Variants in IRAG2 observed in about 807,000 individuals in gnomAD.
IRAG2 encodes the protein inositol 1,4,5-triphosphate receptor associated 2, also known as lymphoid restricted membrane protein.
Under a neutral mutation model 69.9 loss-of-function variants are expected in IRAG2, and 45 were observed. The ratio of observed to expected loss-of-function variants is 0.64; its 90% CI spans 0.51 to 0.83. The LOEUF is 0.83. IRAG2 is among the 40% of genes least tolerant of loss of function. IRAG2 has a pLI of 0.00. For synonymous variants in IRAG2, 193 were observed against 202.4 expected (o/e 0.95, Z 0.40); for missense variants, 520 against 587.0 (o/e 0.89, Z 1.18).
intron 1 of IRAG2, among the ~76,000 whole-genome samples, chr12:25,057,807 A>T: frequency 6.6e-6 from 1 of 152,172 alleles, no homozygotes; most frequent in East Asian, 1.9e-4. Context: ...ACCCTAAGGA[A>T]CAACCACTGG....
At chr12:25,039,587 C>T (rs989728088) in intron 16 of IRAG2, among the ~76,000 whole-genome samples, 11 of 152,126 alleles carry the variant, frequency 7.2e-5, no homozygotes, top group East Asian at 1.9e-4. Context: ...CCCGCCACCA[C>T]GCCCAGCTAA....
chr12:25,077,286 G>GAAATATATATATGAAATATATATGAA lies in IRAG2; in HGVS notation c.25-1957_25-1956insAATATATATATGAAATATATATGAAA, dbSNP rs56891228. On this transcript the variant is annotated intron_variant, in intron 6 of 21. Coordinates refer to ENST00000556887, the MANE Select transcript of IRAG2 (RefSeq NM_001366544.2). ...TATGAAATATATATGAAATATATAT[G>GAAATATATATATGAAATATATATGAA]ATATATATATGAAATATATATGATA... Among the ~76,000 whole-genome samples the GAAATATATATATGAAATATATATGAA allele has an allele frequency of 6.4e-3, 123 of 19,228 alleles. 33 individuals are homozygous for GAAATATATATATGAAATATATATGAA. The highest frequency in any genetic ancestry group is 0.012 in the Non-Finnish European group (95 of 7,946). 12.6% of individuals were successfully genotyped at this position (19,228 alleles called of 152,430 possible).
chr12:25,076,789 G>A, intron 6 of IRAG2: 1 of 202,632 alleles, frequency 4.9e-6, no homozygotes, highest in Non-Finnish European at 8.8e-6. Context: ...AATTCTTATT[G>A]ATTTTTATGA....
At chr12:25,032,353 C>A in exon 12 of IRAG2, 1 of 399,044 alleles carries the variant, frequency 2.5e-6, no homozygotes, top group Non-Finnish European at 4.4e-6. Context: ...ACAGCACTTG[C>A]AACAGGCACT....
chr12:25,023,141 A>G lies in IRAG2; in HGVS notation c.1333-730A>G, dbSNP rs186498825. On this transcript the variant is annotated intron_variant, in intron 7 of 38. Coordinates refer to the IRAG2 transcript ENST00000636465. ...GACTTCGTCTCAAAAAAAAAAAAAAAAAAAGAAAAAGTAGGGCCAGAATTG... is the reference window on the plus strand; with the variant it reads ...GACTTCGTCTCAAAAAAAAAAAAAAGAAAAGAAAAAGTAGGGCCAGAATTG... Among the ~76,000 whole-genome samples, 1,226 of 151,890 alleles carry G rather than the reference A, an allele frequency of 8.1e-3. 22 individuals carry two copies. Among genetic ancestry groups the G allele is most frequent in the African/African-American group, 0.027 (1,101 of 41,452 alleles).
At chr12:25,078,580 C>G (rs554617932) in intron 6 of IRAG2, among the ~76,000 whole-genome samples, 17 of 152,230 alleles carry the variant, frequency 1.1e-4, no homozygotes, top group African/African-American at 4.1e-4. Context: ...ACTATGTTCT[C>G]ACTGTATTTT....
At chr12:25,028,976 C>T (rs1004809345) in intron 9 of IRAG2, among the ~76,000 whole-genome samples, 28 of 152,198 alleles carry the variant, frequency 1.8e-4, no homozygotes, top group African/African-American at 6.5e-4. Context: ...TAGTTCACTG[C>T]AGCCTTGAAC....
chr12:25,017,424 A>T (rs1944539452), intron 6 of IRAG2: 2 of 915,794 alleles, frequency 2.2e-6, no homozygotes, highest in South Asian at 1.2e-4. Flanking sequence ...GTGTTTTTAG[A>T]GTATATTCTC....
At chr12:25,014,254 C>T (rs1000835017) in intron 3 of IRAG2, among the ~76,000 whole-genome samples, 6 of 151,786 alleles carry the variant, frequency 4.0e-5, no homozygotes, top group African/African-American at 7.3e-5. Context: ...TATAAAACAG[C>T]ATGAAGACAA....
chr12:25,031,491 G>T (rs1944667237), intron 10 of IRAG2, among the ~76,000 whole-genome samples: 1 of 152,050 alleles, frequency 6.6e-6, no homozygotes, highest in Non-Finnish European at 1.5e-5. Context: ...TTATTTCATT[G>T]GTCACTTGCA....
chr12:25,074,109 G>T (rs369662717), intron 6 of IRAG2, among the ~76,000 whole-genome samples: 1 of 152,200 alleles, frequency 6.6e-6, no homozygotes, highest in Non-Finnish European at 1.5e-5. Flanking sequence ...GTCTGAATTT[G>T]CTGTGTCCCC....
chr12:25,042,151 T>C (rs1471630865), intron 16 of IRAG2, among the ~76,000 whole-genome samples: 1 of 152,038 alleles, frequency 6.6e-6, no homozygotes, highest in African/African-American at 2.4e-5. Flanking sequence ...AAATTTGAAG[T>C]GTATTTTTGA....
Position 25,031,364 on chromosome 12 carries a change from C to T in IRAG2, c.1519-778C>T, listed in dbSNP as rs148796063. ...ATCATCTCCCATGTGCCAGCCACCACGCTAGCCACAGGATAAAATTAGAGA... is the reference window on the plus strand; with the variant it reads ...ATCATCTCCCATGTGCCAGCCACCATGCTAGCCACAGGATAAAATTAGAGA... On this transcript the variant is annotated intron_variant, in intron 10 of 38. Transcript: ENST00000636465. 5.1e-4 allele frequency among the ~76,000 whole-genome samples: 78 copies of T among 152,238 alleles called. No homozygotes were observed. The East Asian group carries it at 5.8e-3, about 11-fold the overall frequency.
chr12:25,103,240 C>T (rs1314989715), intron 17 of IRAG2: 1 of 152,484 alleles, frequency 6.6e-6, no homozygotes, highest in Non-Finnish European at 1.5e-5. Flanking sequence ...TCAAGAAACA[C>T]TTTCATTCAT....
intron 21 of IRAG2, among the ~76,000 whole-genome samples, chr12:25,107,263 T>A (rs1949236596): frequency 1.3e-5 from 2 of 152,224 alleles, no homozygotes; most frequent in African/African-American, 4.8e-5. Flanking sequence ...CTGTAATATA[T>A]GTTATATTCT....
At chr12:25,034,259 G>A (rs1023768418) in intron 13 of IRAG2, among the ~76,000 whole-genome samples, 2 of 152,276 alleles carry the variant, frequency 1.3e-5, no homozygotes, top group Non-Finnish European at 2.9e-5. Context: ...GATCCCAAAG[G>A]TAGCAGTAGA....
intron 6 of IRAG2, among the ~76,000 whole-genome samples, chr12:25,073,916 A>G (rs1368737299): frequency 6.6e-6 from 1 of 152,248 alleles, no homozygotes; most frequent in Non-Finnish European, 1.5e-5. Context: ...AATCTGCATG[A>G]CGGATATACC....
At chr12:25,105,386 A>C (rs1469136730) in intron 20 of IRAG2, among the ~76,000 whole-genome samples, 1 of 152,012 alleles carries the variant, frequency 6.6e-6, no homozygotes, top group Non-Finnish European at 1.5e-5. Flanking sequence ...TTCAGTTTTC[A>C]TATCTGTTAA....
chr12:25,093,676 G>T (rs934826061), intron 14 of IRAG2: 1 of 154,192 alleles, frequency 6.5e-6, no homozygotes. Flanking sequence ...ACATAGATGA[G>T]CTGTGTAAAG....
Sources: gnomAD v4.1 joint callset for allele counts (sites outside exome capture counted in the v4.1 genomes callset) on GRCh38, gnomAD v4.1.1 for gene constraint, MANE v1.5 for transcripts, NCBI Gene and HGNC (gene_info 2026-07-23, HGNC 2026-07-21) for gene names.